FRMPD4: variants seen among roughly 807,000 people sequenced by gnomAD.
FRMPD4 encodes the protein FERM and PDZ domain containing 4, also known as FERM and PDZ domain-containing protein 4.
Under a neutral mutation model 94.1 loss-of-function variants are expected in FRMPD4, and 22 were observed. That is an observed-to-expected ratio of 0.23 (90% CI 0.17 to 0.33). The LOEUF is 0.33. Ranked by LOEUF, FRMPD4 falls within the 10% of genes least tolerant of loss-of-function variation. The probability of loss-of-function intolerance (pLI) is 1.00; values close to 1 mark genes in which losing one functional copy is unlikely to be tolerated. For synonymous variants in FRMPD4, 631 were observed against 548.6 expected (o/e 1.15, Z -2.10); for missense variants, 1,111 against 1,339.9 (o/e 0.83, Z 2.67).
intron 3 of FRMPD4, among the ~76,000 whole-genome samples, chrX:11,928,552 C>G (rs926793765): frequency 8.9e-6 from 1 of 112,128 alleles, no homozygotes; most frequent in South Asian, 3.7e-4. Flanking sequence ...GGTGGGGACA[C>G]AGCCAAACTC....
At chrX:11,892,268 G>A (rs981761718) in intron 3 of FRMPD4, among the ~76,000 whole-genome samples, 7 of 111,634 alleles carry the variant, frequency 6.3e-5, no homozygotes, top group Non-Finnish European at 9.4e-5. Flanking sequence ...ATCCTGCCTC[G>A]GAGCATATCT....
intron 1 of FRMPD4, among the ~76,000 whole-genome samples, chrX:11,825,029 C>G (rs187892501): frequency 1.3e-3 from 142 of 110,524 alleles, no homozygotes; most frequent in Non-Finnish European, 1.6e-3. Context: ...CTTCTTCTTT[C>G]TCATTTTATT....
At position 12,160,068 on chromosome X, in the gene FRMPD4, GGTGT is replaced by G. The variant is rs757966489; in HGVS notation, c.41+21083_41+21086del. On this transcript the variant is annotated intron_variant, in intron 1 of 16. Transcript: ENST00000675598. ...ACTGAGGTAGCTGTAGATGTTGAGGGGTGTGTGTGTGTGTGTGTGTGTGTGTGTG... is the reference window on the plus strand; with the variant it reads ...ACTGAGGTAGCTGTAGATGTTGAGGGGTGTGTGTGTGTGTGTGTGTGTGTG... Among the ~76,000 whole-genome samples the G allele has an allele frequency of 7.6e-4, 76 of 100,050 alleles. No homozygotes were observed. In the East Asian group the frequency reaches 0.015, roughly 19 times the overall value. The allele number at this position is 100,050 out of a possible 115,157, so 86.9% of individuals were successfully genotyped here.
intron 1 of FRMPD4, among the ~76,000 whole-genome samples, chrX:12,274,264 C>T (rs1347271507): frequency 9.0e-6 from 1 of 111,480 alleles, no homozygotes; most frequent in Non-Finnish European, 1.9e-5. Flanking sequence ...ACAAGAAACC[C>T]TCTTAGGGAA....
At chrX:12,039,285 T>G (rs1316413640) in intron 3 of FRMPD4, among the ~76,000 whole-genome samples, 1 of 110,106 alleles carries the variant, frequency 9.1e-6, no homozygotes, top group Non-Finnish European at 1.9e-5. Flanking sequence ...AGTCATGGGA[T>G]TATAGGTGTA....
intron 4 of FRMPD4, among the ~76,000 whole-genome samples, chrX:12,619,590 C>G (rs1044087265): frequency 8.9e-6 from 1 of 111,870 alleles, no homozygotes; most frequent in Non-Finnish European, 1.9e-5. Flanking sequence ...CCAGAAACAA[C>G]CACATCCCCC....
intron 1 of FRMPD4, among the ~76,000 whole-genome samples, chrX:12,310,061 G>A (rs1247568221): frequency 2.7e-5 from 3 of 112,217 alleles, no homozygotes; most frequent in Non-Finnish European, 5.6e-5. Context: ...CACCGAACAG[G>A]CTTTGTGTGA....
intron 1 of FRMPD4, among the ~76,000 whole-genome samples, chrX:12,286,244 G>A (rs1294567196): frequency 1.8e-5 from 2 of 109,967 alleles, no homozygotes; most frequent in African/African-American, 6.8e-5. Flanking sequence ...ATGATTATTT[G>A]CATTTTAGAA....
chrX:12,551,617 T>C (rs1240567102), intron 2 of FRMPD4, among the ~76,000 whole-genome samples: 4 of 111,573 alleles, frequency 3.6e-5, no homozygotes, highest in African/African-American at 1.3e-4. Context: ...GTTTGTTCTG[T>C]AGGTTTTTAT....
intron 1 of FRMPD4, among the ~76,000 whole-genome samples, chrX:12,155,763 C>G (rs950922578): frequency 1.1e-4 from 12 of 110,688 alleles, no homozygotes; most frequent in Admixed American, 9.7e-5. Context: ...CTAAACCTAC[C>G]CAGTGAGAGG....
chrX:12,506,298 CT>C (rs377235668), intron 2 of FRMPD4, among the ~76,000 whole-genome samples: 118 of 109,972 alleles, frequency 1.1e-3, no homozygotes, highest in Non-Finnish European at 1.9e-3. Flanking sequence ...TATTTAATGA[CT>C]TTTTTTTTAA....
chrX:12,408,920 G>A (rs2056698513), intron 1 of FRMPD4, among the ~76,000 whole-genome samples: 1 of 110,953 alleles, frequency 9.0e-6, no homozygotes, highest in Admixed American at 9.6e-5. Context: ...ATTAGAGAGA[G>A]AATATCCCCC....
At chrX:12,686,932 C>T (rs1490040081) in intron 7 of FRMPD4, among the ~76,000 whole-genome samples, 1 of 111,967 alleles carries the variant, frequency 8.9e-6, no homozygotes, top group African/African-American at 3.2e-5. Context: ...GCTTCATCAG[C>T]CTAAAATAGG....
At chrX:11,883,991 T>C (rs901670518) in intron 3 of FRMPD4, among the ~76,000 whole-genome samples, 2 of 111,616 alleles carry the variant, frequency 1.8e-5, no homozygotes, top group African/African-American at 6.5e-5. Context: ...AACCAGGAAA[T>C]AAACAAATGG....
At chrX:12,670,664 G>A (rs776792081) in intron 4 of FRMPD4, among the ~76,000 whole-genome samples, 14 of 111,728 alleles carry the variant, frequency 1.3e-4, no homozygotes, top group South Asian at 7.6e-4. Flanking sequence ...ATAACATTCC[G>A]GACATTGGAA....
At position 12,043,037 on chromosome X, in the gene FRMPD4, C is replaced by T. The variant is rs749756806; in HGVS notation, c.95+165019C>T. Among the ~76,000 whole-genome samples the T allele has an allele frequency of 7.2e-5, 8 of 111,770 alleles. No homozygotes were observed. The South Asian group carries it at 3.0e-3, about 42-fold the overall frequency. On this transcript the variant is annotated intron_variant, in intron 3 of 18. Transcript: ENST00000640291. ...CCCAGGCAAGAAGGTCACAAACTCT[C>T]ATAGTTCTTGCCTGAAGTTCTGGGA...
chrX:12,323,353 C>T (rs747762033), intron 1 of FRMPD4, among the ~76,000 whole-genome samples: 21 of 112,165 alleles, frequency 1.9e-4, no homozygotes, highest in African/African-American at 5.5e-4. Flanking sequence ...TCTGACAAGG[C>T]TTTTGGGCTC....
At chrX:12,060,652 G>A (rs2054880444) in intron 3 of FRMPD4, among the ~76,000 whole-genome samples, 4 of 111,060 alleles carry the variant, frequency 3.6e-5, no homozygotes, top group Admixed American at 9.6e-5. Flanking sequence ...CTATGAAGTC[G>A]CCTCACTTCT....
chrX:12,037,979 G>A (rs1261500801), intron 3 of FRMPD4, among the ~76,000 whole-genome samples: 4 of 111,374 alleles, frequency 3.6e-5, no homozygotes, highest in South Asian at 7.6e-4. Flanking sequence ...TTTTTAGTGC[G>A]GAATAGTATC....
Sources: allele counts gnomAD v4.1 joint callset (sites outside exome capture counted in the v4.1 genomes callset), GRCh38; gene constraint gnomAD v4.1.1; transcripts MANE v1.5; gene names NCBI Gene and HGNC (gene_info 2026-07-23, HGNC 2026-07-21).